KIAA1671: variants seen among roughly 807,000 people sequenced by gnomAD.
KIAA1671 encodes KIAA1671, also known as uncharacterized protein KIAA1671.
KIAA1671 carries 52 observed loss-of-function variants against 131.2 expected under a neutral mutation model. The observed-to-expected ratio is 0.40, with a 90% CI of 0.32 to 0.50. The LOEUF (loss-of-function observed/expected upper bound fraction) is 0.50. Among genes scored for constraint, KIAA1671 ranks in the 20% least tolerant of loss-of-function variants. KIAA1671 has a pLI of 0.73. For synonymous variants in KIAA1671, 1,003 were observed against 961.6 expected (o/e 1.04, Z -0.80); for missense variants, 2,360 against 2,364.2 (o/e 1.00, Z 0.04).
intron 9 of KIAA1671, 111 bp downstream of exon 9, chr22:25,177,633 C>G: frequency 1.1e-6 from 1 of 881,956 alleles, no homozygotes; most frequent in Non-Finnish European, 1.7e-6. Context: ...CATTAGAACA[C>G]AATTACATAG....
chr22:25,112,206 T>C (rs1601325581), intron 6 of KIAA1671: 1 of 398,928 alleles, frequency 2.5e-6, no homozygotes, highest in Admixed American at 4.4e-5. Flanking sequence ...AAACTCACAG[T>C]GGCCCAGACC....
At chr22:24,983,799 A>G (rs1311643169) in intron 1 of KIAA1671, among the ~76,000 whole-genome samples, 2 of 140,228 alleles carry the variant, frequency 1.4e-5, no homozygotes, top group Admixed American at 7.2e-5. Context: ...TTTTTTTGAG[A>G]CAGAGTTTCA....
intron 6 of KIAA1671, among the ~76,000 whole-genome samples, chr22:25,077,197 C>T (rs1929158409): frequency 6.6e-6 from 1 of 152,162 alleles, no homozygotes; most frequent in Non-Finnish European, 1.5e-5. Flanking sequence ...GAACCCTGGC[C>T]TAGAATCCTG....
At chr22:25,018,370 T>G (rs1471554811) in intron 1 of KIAA1671, among the ~76,000 whole-genome samples, 2 of 152,126 alleles carry the variant, frequency 1.3e-5, no homozygotes, top group African/African-American at 4.8e-5. Context: ...TTTAGTTGTT[T>G]GTAGGTTTTT....
At position 25,029,301 on chromosome 22, in the gene KIAA1671, G is replaced by A. The variant is rs1602079904; in HGVS notation, c.1302G>A (p.Arg434=). Reference sequence around the variant, plus strand: ...CGGCAGGGGGAGAGTGGGCCTCCAGGAGGAGTGTCAGGAAGTGCATCAGCC... The same window carrying A: ...CGGCAGGGGGAGAGTGGGCCTCCAGAAGGAGTGTCAGGAAGTGCATCAGCC... ...EAAAGGEWAS[R]RSVRKCISLF... is the part of the protein sequence containing the mutation. Residue 434 remains arginine (R), a synonymous_variant, in exon 3 of 13, where the codon AGG becomes AGA. Coordinates refer to ENST00000358431, the MANE Select transcript of KIAA1671 (RefSeq NM_001145206.2). 5.9e-6 allele frequency: 9 copies of A among 1,529,242 alleles called. No homozygotes were observed. The East Asian group carries it at 2.2e-4, about 38-fold the overall frequency. 94.7% of individuals were successfully genotyped at this position (1,529,242 alleles called of 1,614,324 possible). A position where few individuals can be genotyped will look rare whatever the true frequency, so the allele number is the denominator to read the frequency against.
intron 1 of KIAA1671, among the ~76,000 whole-genome samples, chr22:24,970,102 C>T (rs1922521023): frequency 6.6e-6 from 1 of 152,182 alleles, no homozygotes; most frequent in Admixed American, 6.5e-5. Flanking sequence ...CCTGCTGAGG[C>T]CTGGGCATTG....
chr22:25,124,046 C>T (rs2009544519), intron 6 of KIAA1671, among the ~76,000 whole-genome samples: 1 of 152,164 alleles, frequency 6.6e-6, no homozygotes, highest in African/African-American at 2.4e-5. Context: ...TTTCTTGTCT[C>T]ATGTGTTCTT....
chr22:25,079,665 A>C (rs894241913), intron 6 of KIAA1671, among the ~76,000 whole-genome samples: 1 of 152,196 alleles, frequency 6.6e-6, no homozygotes, highest in African/African-American at 2.4e-5. Flanking sequence ...ACATTTGCAG[A>C]ACAGGAGGGA....
In KIAA1671 at chr22:24,999,382, C is replaced by A. The variant is rs1274515921; in HGVS notation, c.-207-26251C>A. Among the ~76,000 whole-genome samples, 3 of 152,244 alleles carry A rather than the reference C, an allele frequency of 2.0e-5. No homozygotes were observed. The East Asian group carries it at 5.8e-4, about 29-fold the overall frequency. ...GGTAGCTGGGACTACAGGTATGCAC[C>A]ACTATGCCTGGCTAACTTTTCAATT... On this transcript the variant is annotated intron_variant, in intron 1 of 12. Coordinates refer to ENST00000358431, the MANE Select transcript of KIAA1671 (RefSeq NM_001145206.2).
At chr22:25,085,210 A>G (rs900825599) in intron 6 of KIAA1671, among the ~76,000 whole-genome samples, 4 of 152,178 alleles carry the variant, frequency 2.6e-5, no homozygotes, top group Non-Finnish European at 5.9e-5. Flanking sequence ...CTTCATGTGG[A>G]CGCTTTTCTC....
At chr22:24,999,704 A>G (rs1469795619) in intron 1 of KIAA1671, among the ~76,000 whole-genome samples, 1 of 149,190 alleles carries the variant, frequency 6.7e-6, no homozygotes, top group Admixed American at 6.7e-5. Context: ...CTGGGACTAC[A>G]GGCATGCACC....
chr22:25,135,017 T>C (rs1914839980), intron 6 of KIAA1671, among the ~76,000 whole-genome samples: 1 of 152,128 alleles, frequency 6.6e-6, no homozygotes, highest in African/African-American at 2.4e-5. Context: ...GAGTTCTGGG[T>C]AGATTCATTG....
rs1273545350 is a variant in KIAA1671 at position 25,174,329 on chromosome 22, A to G, written c.4739A>G (p.Glu1580Gly). The change falls in exon 8 of 13, where the codon GAG (glutamate) becomes GGG (glycine). Residue 1580 changes from glutamate to glycine, a missense_variant. Coordinates refer to ENST00000358431, the MANE Select transcript of KIAA1671 (RefSeq NM_001145206.2). ...SRLSSLSSQT[E>G]PTSAGDQYDC... is the part of the protein sequence containing the mutation. ...TTGTCTTCTCTGTCCTCCCAAACGG[A>G]GCCCACCTCGGCAGGGGACCAGTAT... The G allele has an allele frequency of 6.4e-7, 1 of 1,551,950 alleles. No homozygotes were observed. Among genetic ancestry groups the G allele is most frequent in the Non-Finnish European group, 8.7e-7 (1 of 1,147,058 alleles).
intron 1 of KIAA1671, among the ~76,000 whole-genome samples, chr22:24,976,064 G>A (rs1922894955): frequency 6.6e-6 from 1 of 152,186 alleles, no homozygotes; most frequent in African/African-American, 2.4e-5. Flanking sequence ...TGGATTTCTG[G>A]TCTCTAGGGC....
At chr22:25,030,256 G>A (rs1354657270) in intron 3 of KIAA1671, among the ~76,000 whole-genome samples, 1 of 152,180 alleles carries the variant, frequency 6.6e-6, no homozygotes, top group Non-Finnish European at 1.5e-5. Flanking sequence ...GATGTTCTAG[G>A]CCGGGCGCGG....
At chr22:25,115,355 G>T (rs1299720642) in intron 6 of KIAA1671, among the ~76,000 whole-genome samples, 2 of 152,188 alleles carry the variant, frequency 1.3e-5, no homozygotes, top group East Asian at 1.9e-4. Flanking sequence ...CCGCACCAAG[G>T]AGGGCTTTGG....
intron 5 of KIAA1671, among the ~76,000 whole-genome samples, chr22:25,044,773 G>C (rs964207170): frequency 6.6e-6 from 1 of 152,098 alleles, no homozygotes; most frequent in African/African-American, 2.4e-5. Flanking sequence ...ATGTCCTTTC[G>C]GACTTTCCTA....
At chr22:25,053,421 C>T (rs1927652055) in intron 6 of KIAA1671, 1 of 152,142 alleles carries the variant, frequency 6.6e-6, no homozygotes, top group Non-Finnish European at 1.5e-5. Context: ...CACAGTTTAC[C>T]CTGGAGGCCC....
At chr22:25,106,249 G>A (rs1266781159) in intron 6 of KIAA1671, among the ~76,000 whole-genome samples, 1 of 152,238 alleles carries the variant, frequency 6.6e-6, no homozygotes, top group African/African-American at 2.4e-5. Context: ...CCTAGAGTGT[G>A]AATTGCATCA....
Sources: gnomAD v4.1 joint callset for allele counts (sites outside exome capture counted in the v4.1 genomes callset) on GRCh38, gnomAD v4.1.1 for gene constraint, MANE v1.5 for transcripts, NCBI Gene and HGNC (gene_info 2026-07-23, HGNC 2026-07-21) for gene names.